The following NAALADL2 variants were observed in gnomAD, a reference collection of about 807,000 sequenced individuals.
NAALADL2 encodes N-acetylated alpha-linked acidic dipeptidase like 2, also known as inactive N-acetylated-alpha-linked acidic dipeptidase-like protein 2.
A neutral mutation model predicts 87.2 loss-of-function variants in NAALADL2; 76 were observed. That is an observed-to-expected ratio of 0.87 (90% confidence interval 0.72 to 1.05). The LOEUF (loss-of-function observed/expected upper bound fraction) is 1.05. NAALADL2 is among the 50% of genes least tolerant of loss of function. The probability of loss-of-function intolerance (pLI) is 0.00; values close to 1 mark genes in which losing one functional copy is unlikely to be tolerated. For synonymous variants in NAALADL2, 354 were observed against 331.0 expected (o/e 1.07, Z -0.75); for missense variants, 1,089 against 945.8 (o/e 1.15, Z -1.99).
intron 5 of NAALADL2, among the ~76,000 whole-genome samples, chr3:175,356,580 A>AATAAT (rs1764392857): frequency 8.5e-6 from 1 of 117,430 alleles, no homozygotes; most frequent in African/African-American, 3.8e-5. Flanking sequence ...GTGTCAAAAT[A>AATAAT]ATAATAATAA....
At chr3:175,730,463 C>T (rs1227984262) in intron 11 of NAALADL2, among the ~76,000 whole-genome samples, 1 of 138,162 alleles carries the variant, frequency 7.2e-6, no homozygotes, top group Non-Finnish European at 1.6e-5. Flanking sequence ...CACACGCACA[C>T]ACACACGTGT....
rs553417268 is a variant in NAALADL2, at chr3:174,972,581, T to G, written c.43+113131T>G. On this transcript the variant is annotated intron_variant, in intron 1 of 13. Coordinates refer to ENST00000454872, the MANE Select transcript of NAALADL2 (RefSeq NM_207015.3). The stretch of plus-strand genomic sequence containing the variant: ...ATGATCTTATTTATCCTTAATTACC[T>G]CTTTAAAAGCTGTATCCCCAAATAC... 2.0e-5 allele frequency among the ~76,000 whole-genome samples: 3 copies of G among 152,296 alleles called. No homozygotes were observed. In the South Asian group the frequency reaches 6.2e-4, roughly 32 times the overall value.
chr3:174,996,496 CAA>C (rs544719815), intron 1 of NAALADL2, among the ~76,000 whole-genome samples: 22 of 134,740 alleles, frequency 1.6e-4, no homozygotes, highest in Non-Finnish European at 2.1e-4. Flanking sequence ...GACTCTGTCT[CAA>C]AAAAAAAAAA....
intron 11 of NAALADL2, among the ~76,000 whole-genome samples, chr3:175,732,899 G>T (rs571968577): frequency 5.4e-5 from 8 of 149,198 alleles, no homozygotes; most frequent in African/African-American, 1.2e-4. Flanking sequence ...GCTGGGGTCT[G>T]TCGGGGGGTA....
At chr3:174,533,663 A>G (rs963466264) in intron 1 of NAALADL2, among the ~76,000 whole-genome samples, 11 of 152,008 alleles carry the variant, frequency 7.2e-5, no homozygotes, top group African/African-American at 2.2e-4. Flanking sequence ...TAAAGTGTCT[A>G]ATTGGAGCAT....
intron 9 of NAALADL2, among the ~76,000 whole-genome samples, chr3:175,511,146 A>G (rs904954935): frequency 5.3e-5 from 8 of 152,124 alleles, no homozygotes; most frequent in African/African-American, 1.4e-4. Context: ...GGAACCACCA[A>G]TCACTCCTGC....
chr3:175,061,602 T>A (rs1420193486), intron 1 of NAALADL2, among the ~76,000 whole-genome samples: 1 of 152,014 alleles, frequency 6.6e-6, no homozygotes, highest in East Asian at 1.9e-4. Context: ...TATAGCAGTG[T>A]CCAAATTTGA....
intron 2 of NAALADL2, among the ~76,000 whole-genome samples, chr3:174,686,776 T>C (rs565885498): frequency 6.6e-6 from 1 of 152,092 alleles, no homozygotes; most frequent in Non-Finnish European, 1.5e-5. Context: ...CCTTATGTCA[T>C]GTGCCAGAAT....
At chr3:175,749,482 T>C (rs1370078255) in intron 12 of NAALADL2, among the ~76,000 whole-genome samples, 2 of 152,042 alleles carry the variant, frequency 1.3e-5, no homozygotes, top group African/African-American at 4.8e-5. Context: ...GGGCCCAGTT[T>C]CTGCTTGTAA....
intron 1 of NAALADL2, among the ~76,000 whole-genome samples, chr3:174,935,722 T>G (rs1393542392): frequency 6.6e-6 from 1 of 152,148 alleles, no homozygotes; most frequent in Non-Finnish European, 1.5e-5. Flanking sequence ...AATAAATTTC[T>G]TCAGAGCTAC....
intron 2 of NAALADL2, among the ~76,000 whole-genome samples, chr3:174,648,347 A>AG (rs953917225): frequency 1.3e-5 from 2 of 151,938 alleles, no homozygotes; most frequent in African/African-American, 4.8e-5. Flanking sequence ...AAGAAAAAAA[A>AG]AAAAACAAAC....
chr3:175,343,613 T>C (rs1190926052), intron 5 of NAALADL2, among the ~76,000 whole-genome samples: 1 of 148,150 alleles, frequency 6.7e-6, no homozygotes, highest in Non-Finnish European at 1.5e-5. Context: ...TATGTGTAAG[T>C]CTTCTACGGG....
chr3:175,042,557 G>C (rs1486715883), intron 1 of NAALADL2, among the ~76,000 whole-genome samples: 1 of 152,072 alleles, frequency 6.6e-6, no homozygotes, highest in African/African-American at 2.4e-5. Context: ...CCCCAACAAT[G>C]AATAAGGGTT....
At chr3:175,567,634 T>C (rs1717387966) in intron 9 of NAALADL2, among the ~76,000 whole-genome samples, 1 of 152,106 alleles carries the variant, frequency 6.6e-6, no homozygotes, top group African/African-American at 2.4e-5. Flanking sequence ...ATCCAGTAAG[T>C]AGGTTTTAAA....
At chr3:174,479,802 T>C (rs1284860227) in intron 1 of NAALADL2, among the ~76,000 whole-genome samples, 1 of 152,070 alleles carries the variant, frequency 6.6e-6, no homozygotes, top group Non-Finnish European at 1.5e-5. Context: ...TGTAGAAGAA[T>C]CAGGTGTTTT....
chr3:174,622,637 A>C (rs1268939144), intron 2 of NAALADL2, among the ~76,000 whole-genome samples: 1 of 152,238 alleles, frequency 6.6e-6, no homozygotes, highest in Non-Finnish European at 1.5e-5. Context: ...CTGTATTATT[A>C]TAACAAACTA....
chr3:174,615,395 T>C (rs1335099925), intron 2 of NAALADL2, among the ~76,000 whole-genome samples: 1 of 152,166 alleles, frequency 6.6e-6, no homozygotes, highest in Non-Finnish European at 1.5e-5. Flanking sequence ...CAGCAATTGA[T>C]AGAGGTGGTT....
intron 1 of NAALADL2, among the ~76,000 whole-genome samples, chr3:174,549,283 G>T (rs1711810050): frequency 6.6e-6 from 1 of 152,172 alleles, no homozygotes; most frequent in South Asian, 2.1e-4. Context: ...TTAAGAGCTG[G>T]AGTAGCTGAG....
At chr3:174,520,849 C>G (rs1720231894) in intron 1 of NAALADL2, among the ~76,000 whole-genome samples, 2 of 151,962 alleles carry the variant, frequency 1.3e-5, no homozygotes, top group Admixed American at 1.3e-4. Flanking sequence ...AGGAACTCAA[C>G]AAGAAAAACA....
Sources: allele counts gnomAD v4.1 joint callset (sites outside exome capture counted in the v4.1 genomes callset), GRCh38; gene constraint gnomAD v4.1.1; transcripts MANE v1.5; gene names NCBI Gene and HGNC (gene_info 2026-07-23, HGNC 2026-07-21).